The following ZEB1 variants were observed in gnomAD, a reference collection of about 807,000 sequenced individuals.
The protein encoded by ZEB1 is zinc finger E-box-binding homeobox 1.
A neutral mutation model predicts 84.9 loss-of-function variants in ZEB1; 21 were observed. The ratio of observed to expected loss-of-function variants is 0.25; its 90% confidence interval spans 0.18 to 0.36. ZEB1 has a LOEUF of 0.36. ZEB1 is among the 10% of genes least tolerant of loss of function. The pLI is 1.00. For missense variants in ZEB1, 1,104 were observed against 1,330.2 expected (o/e 0.83, Z 2.65); for synonymous variants, 420 against 471.1 (o/e 0.89, Z 1.41).
At chr10:31,390,324 G>A (rs552829828) in intron 1 of ZEB1, among the ~76,000 whole-genome samples, 2 of 152,176 alleles carry the variant, frequency 1.3e-5, no homozygotes, top group South Asian at 2.1e-4. Context: ...TCTCTGCGCA[G>A]GATTTTAATA....
chr10:31,521,411 A>T lies in ZEB1; in HGVS notation c.2079A>T (p.Gly693=), dbSNP rs773256239. 1 of 1,614,106 alleles carries T rather than the reference A, an allele frequency of 6.2e-7. No homozygotes were observed. Among genetic ancestry groups the T allele is most frequent in the Non-Finnish European group, 8.5e-7 (1 of 1,180,008 alleles). ...CTAACTCCCCAGTTTTACCAGTGGG[A>T]TCAACCACCAATGGTTCCAGAAGTA... ...KMTNSPVLPV[G]STTNGSRSST... is the part of the protein sequence containing the mutation. Residue 693 remains glycine, a synonymous_variant, in exon 7 of 9, where the codon GGA becomes GGT. Transcript: ENST00000424869.
chr10:31,469,289 C>T lies in ZEB1; in HGVS notation c.259+8052C>T, dbSNP rs554637982. ...AGAAGACGGGTGATTTCTGCATTTC[C>T]ATCTGAGGTACCGGGTTCATCTCAC... On this transcript the variant is annotated intron_variant, in intron 2 of 8. Transcript: ENST00000424869. 3.9e-5 allele frequency among the ~76,000 whole-genome samples: 6 copies of T among 152,262 alleles called. No individual in the cohort carries two copies. In the South Asian group the frequency reaches 1.2e-3, roughly 32 times the overall value.
At chr10:31,474,659 C>G (rs1565027284) in intron 2 of ZEB1, among the ~76,000 whole-genome samples, 1 of 152,122 alleles carries the variant, frequency 6.6e-6, no homozygotes, top group Non-Finnish European at 1.5e-5. Flanking sequence ...GCGGCGATTC[C>G]TCAGGGATCT....
intron 6 of ZEB1, among the ~76,000 whole-genome samples, chr10:31,518,248 T>C (rs994756015): frequency 6.6e-6 from 1 of 152,132 alleles, no homozygotes; most frequent in African/African-American, 2.4e-5. Context: ...ATTGATAAAT[T>C]GGAGAATCCC....
chr10:31,511,749 C>G (rs2070074988), intron 5 of ZEB1, among the ~76,000 whole-genome samples: 1 of 152,098 alleles, frequency 6.6e-6, no homozygotes. Context: ...TATGGATGTA[C>G]CTAATATGTG....
intron 4 of ZEB1, among the ~76,000 whole-genome samples, chr10:31,509,778 CTTAA>C (rs1400617875): frequency 6.6e-6 from 1 of 152,112 alleles, no homozygotes; most frequent in Non-Finnish European, 1.5e-5. Flanking sequence ...AAAGATATCA[CTTAA>C]TTTATTTCAT....
At chr10:31,403,179 T>G (rs933006439) in intron 1 of ZEB1, among the ~76,000 whole-genome samples, 14 of 152,096 alleles carry the variant, frequency 9.2e-5, no homozygotes, top group Non-Finnish European at 1.9e-4. Flanking sequence ...TTTTGGAGGA[T>G]GATTTTATTT....
intron 3 of ZEB1, among the ~76,000 whole-genome samples, chr10:31,500,339 T>C (rs1273962947): frequency 6.6e-6 from 1 of 152,152 alleles, no homozygotes; most frequent in East Asian, 1.9e-4. Flanking sequence ...AGAATGTTAT[T>C]TGCTTTGCTC....
rs138493785 is a variant in ZEB1, at chr10:31,483,794, T to C, written c.260-11982T>C. Among the ~76,000 whole-genome samples the C allele has an allele frequency of 5.5e-3, 834 of 152,186 alleles. 12 individuals are homozygous for C. Among genetic ancestry groups the C allele is most frequent in the African/African-American group, 0.019 (770 of 41,562 alleles). ...CTGTATTGGTTTTCTGTTGCTGCCA[T>C]AACAAATGACAACACACTTACGATT... On this transcript the variant is annotated intron_variant, in intron 2 of 8. Coordinates refer to ENST00000424869, the MANE Select transcript of ZEB1 (RefSeq NM_001174096.2).
At chr10:31,484,875 A>G (rs545426158) in intron 2 of ZEB1, among the ~76,000 whole-genome samples, 1 of 152,088 alleles carries the variant, frequency 6.6e-6, no homozygotes, top group Non-Finnish European at 1.5e-5. Flanking sequence ...GAGAAAAAAT[A>G]TGGTAATTAG....
At chr10:31,337,750 A>G (rs541868476) in intron 1 of ZEB1, among the ~76,000 whole-genome samples, 17 of 144,836 alleles carry the variant, frequency 1.2e-4, no homozygotes, top group Middle Eastern at 3.5e-3. Context: ...CAATGGCGCA[A>G]TCTCGGCTCA....
intron 1 of ZEB1, among the ~76,000 whole-genome samples, chr10:31,357,886 C>G (rs911765347): frequency 3.3e-5 from 5 of 152,042 alleles, no homozygotes; most frequent in African/African-American, 1.2e-4. Flanking sequence ...TATCCCAACA[C>G]TGTAGTTGCC....
At position 31,391,556 on chromosome 10, in the gene ZEB1, T is replaced by C. The variant is rs2049742810; in HGVS notation, c.59-69481T>C. 5.3e-5 allele frequency among the ~76,000 whole-genome samples: 8 copies of C among 152,246 alleles called. No individual in the cohort carries two copies. In the South Asian group the frequency reaches 1.7e-3, roughly 32 times the overall value. On this transcript the variant is annotated intron_variant, in intron 1 of 8. Coordinates refer to ENST00000424869, the MANE Select transcript of ZEB1 (RefSeq NM_001174096.2). ...TTTGCCTAACCTCTAATGTCTCAGGTATGAATTATTTTGTCAGATTAACAC... is the reference window on the plus strand; with the variant it reads ...TTTGCCTAACCTCTAATGTCTCAGGCATGAATTATTTTGTCAGATTAACAC...
At chr10:31,322,775 G>A (rs12248833) in intron 1 of ZEB1, among the ~76,000 whole-genome samples, 9,525 of 148,966 alleles carry the variant, frequency 0.064, 746 homozygotes, top group African/African-American at 0.18. Flanking sequence ...AGAGAGAGAT[G>A]TACTCTACTA....
chr10:31,418,074 C>T (rs1361304034), intron 1 of ZEB1, among the ~76,000 whole-genome samples: 6 of 151,890 alleles, frequency 4.0e-5, no homozygotes, highest in Non-Finnish European at 8.8e-5. Context: ...TGATAATCTC[C>T]TTCAGTCTCC....
intron 1 of ZEB1, among the ~76,000 whole-genome samples, chr10:31,368,195 C>T (rs1042617892): frequency 3.9e-5 from 6 of 152,052 alleles, no homozygotes; most frequent in African/African-American, 1.4e-4. Flanking sequence ...TGCTCTGTCG[C>T]GCAGGCTTGA....
intron 1 of ZEB1, among the ~76,000 whole-genome samples, chr10:31,388,756 A>T (rs571027658): frequency 1.3e-5 from 2 of 152,204 alleles, no homozygotes. Context: ...TTGCAAGAGC[A>T]TGCTAAATAT....
intron 2 of ZEB1, among the ~76,000 whole-genome samples, chr10:31,466,099 C>T (rs2062389891): frequency 1.3e-5 from 2 of 151,998 alleles, no homozygotes; most frequent in South Asian, 2.1e-4. Flanking sequence ...AATATATTTG[C>T]CACCAATTTT....
chr10:31,490,993 A>G (rs1284247158), intron 2 of ZEB1, among the ~76,000 whole-genome samples: 2 of 151,740 alleles, frequency 1.3e-5, no homozygotes, highest in Non-Finnish European at 2.9e-5. Flanking sequence ...CCAGGGTCCA[A>G]TCTAGAACAT....
Sources: allele counts gnomAD v4.1 joint callset (sites outside exome capture counted in the v4.1 genomes callset), GRCh38; gene constraint gnomAD v4.1.1; transcripts MANE v1.5; gene names NCBI Gene and HGNC (gene_info 2026-07-23, HGNC 2026-07-21).